The following FRMD4B variants were observed in gnomAD, a reference collection of about 807,000 sequenced individuals.
FRMD4B encodes the protein FERM domain-containing protein 4B.
A neutral mutation model predicts 141.5 loss-of-function variants in FRMD4B; 74 were observed. That is an observed-to-expected ratio of 0.52 (90% CI 0.43 to 0.63). FRMD4B has a LOEUF of 0.63. Among genes scored for constraint, FRMD4B ranks in the 30% least tolerant of loss-of-function variants. The probability of loss-of-function intolerance (pLI) is 0.00; values close to 1 mark genes in which losing one functional copy is unlikely to be tolerated. For synonymous variants in FRMD4B, 506 were observed against 467.9 expected, an observed-to-expected ratio of 1.08 and a Z score of -1.05; for missense variants, 1,366 against 1,253.4, an observed-to-expected ratio of 1.09 and a Z score of -1.36.
At chr3:69,233,464 C>G (rs1013907324) in intron 7 of FRMD4B, among the ~76,000 whole-genome samples, 1 of 144,716 alleles carries the variant, frequency 6.9e-6, no homozygotes, top group Non-Finnish European at 1.5e-5. Context: ...GCCTGGGTGA[C>G]AGAGTGAGAC....
intron 1 of FRMD4B, among the ~76,000 whole-genome samples, chr3:69,480,609 C>G (rs949725301): frequency 3.9e-5 from 6 of 152,144 alleles, no homozygotes; most frequent in Non-Finnish European, 7.3e-5. Context: ...AGGTGTCAGT[C>G]TGCCCCTACT....
At chr3:69,353,080 G>C (rs998627038) in intron 1 of FRMD4B, among the ~76,000 whole-genome samples, 2 of 115,618 alleles carry the variant, frequency 1.7e-5, no homozygotes, top group Admixed American at 2.0e-4. Context: ...AGAAACTCCA[G>C]TATTTAAAAT....
At chr3:69,447,157 C>T (rs1405943746) in intron 1 of FRMD4B, among the ~76,000 whole-genome samples, 1 of 152,120 alleles carries the variant, frequency 6.6e-6, no homozygotes, top group Non-Finnish European at 1.5e-5. Context: ...CAGTGAGCTA[C>T]AGAGTGGTAG....
At chr3:69,460,852 A>T in intron 1 of FRMD4B, among the ~76,000 whole-genome samples, 1 of 152,162 alleles carries the variant, frequency 6.6e-6, no homozygotes. Flanking sequence ...AGCAGCAGAG[A>T]TGTTTGTGAA....
chr3:69,512,983 C>T (rs930288379), intron 1 of FRMD4B, among the ~76,000 whole-genome samples: 2 of 151,822 alleles, frequency 1.3e-5, no homozygotes, highest in African/African-American at 4.8e-5. Context: ...ATATCAACAA[C>T]CTAACTTTAT....
intron 22 of FRMD4B, among the ~76,000 whole-genome samples, chr3:69,172,688 C>T (rs1474318550): frequency 6.6e-6 from 1 of 152,010 alleles, no homozygotes; most frequent in East Asian, 1.9e-4. Flanking sequence ...TTGGAAGTGA[C>T]CCAGGACACA....
chr3:69,386,494 G>A (rs1575782310), upstream of FRMD4B, among the ~76,000 whole-genome samples: 2 of 152,146 alleles, frequency 1.3e-5, no homozygotes, highest in South Asian at 2.1e-4. Flanking sequence ...AATCTGCCTC[G>A]GGGAACACCT....
rs183347996 is a variant in FRMD4B at position 69,355,968 on chromosome 3, T to C, written c.162+29860A>G. Among the ~76,000 whole-genome samples the C allele has an allele frequency of 4.1e-3, 625 of 152,060 alleles. 3 individuals carry two copies. Among genetic ancestry groups the C allele is most frequent in the African/African-American group, 0.013 (559 of 41,472 alleles). On this transcript the variant is annotated intron_variant, in intron 1 of 22. Transcript: ENST00000398540. ...TCAACCTGGGAGCCGGAGGTTGCAG[T>C]GAGCTGAGATCACACCACTGCACTC... is the stretch of plus-strand genomic sequence containing the variant.
intron 1 of FRMD4B, among the ~76,000 whole-genome samples, chr3:69,340,547 C>G (rs1170392715): frequency 6.6e-6 from 1 of 152,160 alleles, no homozygotes; most frequent in Non-Finnish European, 1.5e-5. Context: ...GGTGAAGATC[C>G]TGCAGTCAGA....
intron 7 of FRMD4B, among the ~76,000 whole-genome samples, chr3:69,241,216 T>C (rs1013880026): frequency 3.9e-5 from 6 of 152,048 alleles, no homozygotes; most frequent in Middle Eastern, 3.4e-3. Flanking sequence ...ATGCAAGGGG[T>C]TTTGAAATGC....
chr3:69,284,560 C>G (rs116728396), intron 5 of FRMD4B, among the ~76,000 whole-genome samples: 2,669 of 152,196 alleles, frequency 0.018, 28 homozygotes, highest in Middle Eastern at 0.031. Context: ...CATATTCAAT[C>G]AACTAAACTG....
At chr3:69,478,157 T>G (rs1035107975) in intron 1 of FRMD4B, among the ~76,000 whole-genome samples, 18 of 152,332 alleles carry the variant, frequency 1.2e-4, no homozygotes, top group African/African-American at 4.3e-4. Context: ...AAAAACCAGC[T>G]CCTGGATTTA....
At chr3:69,297,669 T>G (rs550330079) in intron 4 of FRMD4B, among the ~76,000 whole-genome samples, 4 of 152,136 alleles carry the variant, frequency 2.6e-5, no homozygotes, top group South Asian at 2.1e-4. Flanking sequence ...TGCTCCTCAC[T>G]GTCAAGCCTT....
intron 1 of FRMD4B, among the ~76,000 whole-genome samples, chr3:69,380,548 G>A (rs887741050): frequency 6.6e-5 from 10 of 152,086 alleles, no homozygotes. Context: ...TTCATAATGC[G>A]GCTGCTTCTG....
At chr3:69,438,840 C>G (rs1705299364) in intron 1 of FRMD4B, among the ~76,000 whole-genome samples, 1 of 152,118 alleles carries the variant, frequency 6.6e-6, no homozygotes. Flanking sequence ...TGGAAATATA[C>G]AGAAGAAAAT....
At chr3:69,506,012 T>C (rs1021488042) in intron 1 of FRMD4B, among the ~76,000 whole-genome samples, 1 of 152,192 alleles carries the variant, frequency 6.6e-6, no homozygotes, top group Non-Finnish European at 1.5e-5. Context: ...TTCCAACGCC[T>C]GAAAAATATT....
chr3:69,183,658 A>G (rs2092734226), intron 19 of FRMD4B, among the ~76,000 whole-genome samples: 2 of 150,696 alleles, frequency 1.3e-5, no homozygotes, highest in East Asian at 2.0e-4. Flanking sequence ...AATTTTTTGT[A>G]GTTTTAGTAA....
At chr3:69,277,613 C>T (rs574181966) in intron 5 of FRMD4B, among the ~76,000 whole-genome samples, 5 of 138,552 alleles carry the variant, frequency 3.6e-5, no homozygotes, top group Non-Finnish European at 7.6e-5. Context: ...ACCTCCGCCT[C>T]CCAAGTTCCC....
chr3:69,395,340 T>C (rs1415920488), intron 2 of FRMD4B, among the ~76,000 whole-genome samples: 2 of 151,896 alleles, frequency 1.3e-5, no homozygotes, highest in African/African-American at 2.4e-5. Context: ...ATATGCAAAA[T>C]CTTTACTCTC....
Sources: allele counts gnomAD v4.1 joint callset (sites outside exome capture counted in the v4.1 genomes callset), GRCh38; gene constraint gnomAD v4.1.1; transcripts MANE v1.5; gene names NCBI Gene and HGNC (gene_info 2026-07-23, HGNC 2026-07-21).